Variants in NRXN1 observed in about 807,000 individuals in gnomAD.
NRXN1 encodes the protein neurexin 1.
A neutral mutation model predicts 150.9 loss-of-function variants in NRXN1; 39 were observed. The observed-to-expected ratio is 0.26, with a 90% CI of 0.20 to 0.34. NRXN1 has a LOEUF of 0.34. Ranked by LOEUF, NRXN1 falls within the 10% of genes least tolerant of loss-of-function variation. The probability of loss-of-function intolerance (pLI) is 1.00; values close to 1 mark genes in which losing one functional copy is unlikely to be tolerated. For synonymous variants in NRXN1, 924 were observed against 757.0 expected (o/e 1.22, Z -3.62); for missense variants, 1,815 against 1,949.9 (o/e 0.93, Z 1.30).
intron 17 of NRXN1, among the ~76,000 whole-genome samples, chr2:50,257,204 C>T (rs2067785964): frequency 6.6e-6 from 1 of 151,954 alleles, no homozygotes; most frequent in Admixed American, 6.6e-5. Flanking sequence ...TCTGTCAAAA[C>T]CTTCCACAGG....
chr2:50,290,372 G>C (rs2072762849), intron 17 of NRXN1, among the ~76,000 whole-genome samples: 2 of 152,122 alleles, frequency 1.3e-5, no homozygotes. Flanking sequence ...TATATAATAA[G>C]GGAGGAAGAA....
At chr2:50,725,294 T>C (rs1194708595) in intron 5 of NRXN1, among the ~76,000 whole-genome samples, 1 of 151,656 alleles carries the variant, frequency 6.6e-6, no homozygotes, top group Admixed American at 6.6e-5. Flanking sequence ...AAGAAAAATA[T>C]GTTTGGGCTC....
chr2:50,976,160 TAA>T (rs1266701474), intron 2 of NRXN1, among the ~76,000 whole-genome samples: 1 of 151,720 alleles, frequency 6.6e-6, no homozygotes, highest in Non-Finnish European at 1.5e-5. Flanking sequence ...GACACTCTAT[TAA>T]TTTACTTTGC....
At chr2:50,555,732 C>T (rs1292708206) in intron 8 of NRXN1, among the ~76,000 whole-genome samples, 2 of 152,128 alleles carry the variant, frequency 1.3e-5, no homozygotes, top group Non-Finnish European at 2.9e-5. Flanking sequence ...AATTAAAATA[C>T]AGCAGAATAT....
intron 2 of NRXN1, among the ~76,000 whole-genome samples, chr2:51,023,576 T>C (rs1261621051): frequency 1.3e-5 from 2 of 152,244 alleles, no homozygotes; most frequent in East Asian, 3.8e-4. Context: ...TAAGTTTTCA[T>C]AGTATCATGC....
intron 18 of NRXN1, among the ~76,000 whole-genome samples, chr2:50,110,485 C>G (rs1480013677): frequency 1.0e-5 from 1 of 96,170 alleles, no homozygotes; most frequent in Non-Finnish European, 1.9e-5. Flanking sequence ...GAGTGAGACT[C>G]TGTCTCAAAA....
At chr2:50,700,204 T>C (rs991469100) in intron 5 of NRXN1, among the ~76,000 whole-genome samples, 47 of 152,214 alleles carry the variant, frequency 3.1e-4, no homozygotes, top group African/African-American at 9.9e-4. Flanking sequence ...TCTAAAGTCA[T>C]CTAAACTGTT....
chr2:50,922,052 G>C (rs1686126286), intron 4 of NRXN1, among the ~76,000 whole-genome samples, 172 bp from the exon 5 acceptor site: 1 of 151,884 alleles, frequency 6.6e-6, no homozygotes, highest in South Asian at 2.1e-4. Context: ...GATGCAATCA[G>C]GACATGTTGG....
At chr2:50,121,266 C>A (rs952149116) in intron 18 of NRXN1, among the ~76,000 whole-genome samples, 1 of 152,222 alleles carries the variant, frequency 6.6e-6, no homozygotes, top group African/African-American at 2.4e-5. Context: ...TAAGATCCGC[C>A]TGCCTCAGCC....
chr2:50,832,029 C>A (rs896615882), intron 5 of NRXN1, among the ~76,000 whole-genome samples: 28 of 152,222 alleles, frequency 1.8e-4, no homozygotes, highest in African/African-American at 6.5e-4. Context: ...TTCTAGGCAA[C>A]AGTCAACTGT....
chr2:50,886,203 G>C (rs987150833), intron 5 of NRXN1, among the ~76,000 whole-genome samples: 5 of 151,034 alleles, frequency 3.3e-5, no homozygotes, highest in Non-Finnish European at 7.4e-5. Flanking sequence ...TAACTGGCTA[G>C]ATAACATGTA....
At chr2:50,761,469 C>G (rs557924451) in intron 5 of NRXN1, among the ~76,000 whole-genome samples, 1 of 152,034 alleles carries the variant, frequency 6.6e-6, no homozygotes, top group East Asian at 2.0e-4. Flanking sequence ...TGCGCCTTTG[C>G]TCCTCCTTTG....
intron 8 of NRXN1, among the ~76,000 whole-genome samples, chr2:50,596,460 C>T (rs1675220362): frequency 1.3e-5 from 2 of 152,198 alleles, no homozygotes; most frequent in South Asian, 2.1e-4. Flanking sequence ...TCCTACTCCC[C>T]TTTCACAGAT....
In NRXN1 at chr2:50,538,407, T is replaced by C; in HGVS notation, c.1989A>G (p.Gln663=). The stretch of plus-strand genomic sequence containing the variant: ...AGGAAGGCTTCACTCCAGCAGTACT[T>C]TGAACTTCAGCCATTTGCCGGATAT... ...SKDIRQMAEV[Q]STAGVKPSCS... Residue 663 remains glutamine, a synonymous_variant, in exon 10 of 23, where the codon CAA becomes CAG. Transcript: ENST00000401669. 6.2e-7 allele frequency: 1 copy of C among 1,614,002 alleles called. No individual in the cohort carries two copies. The highest frequency in any genetic ancestry group is 8.5e-7 in the Non-Finnish European group (1 of 1,179,874).
chr2:50,976,010 T>C (rs1558520170), intron 2 of NRXN1, among the ~76,000 whole-genome samples: 1 of 152,054 alleles, frequency 6.6e-6, no homozygotes, highest in East Asian at 1.9e-4. Flanking sequence ...TTTTATATTT[T>C]GTCCCAGTGT....
intron 5 of NRXN1, among the ~76,000 whole-genome samples, chr2:50,841,869 A>G (rs996554891): frequency 6.6e-6 from 1 of 152,166 alleles, no homozygotes; most frequent in Non-Finnish European, 1.5e-5. Flanking sequence ...CTGATATTGA[A>G]CTTACTGAAT....
rs62142333 is a variant in NRXN1 at position 50,651,517 on chromosome 2, G to A, written c.833-27902C>T. ...GACATGACATGACATGACATAACATGACATAACATAACATAACATAAAATA... is the reference window on the plus strand; with the variant it reads ...GACATGACATGACATGACATAACATAACATAACATAACATAACATAAAATA... On this transcript the variant is annotated intron_variant, in intron 5 of 22. Coordinates refer to ENST00000401669, the MANE Select transcript of NRXN1 (RefSeq NM_001330078.2). Among the ~76,000 whole-genome samples, 1,017 of 134,520 alleles carry A rather than the reference G, an allele frequency of 7.6e-3. 10 individuals are homozygous for A. Among genetic ancestry groups the A allele is most frequent in the Middle Eastern group, 0.033 (8 of 244 alleles). 88.3% of individuals were successfully genotyped at this position (134,520 alleles called of 152,430 possible). A position where few individuals can be genotyped will look rare whatever the true frequency, so the allele number is the denominator to read the frequency against.
chr2:50,200,458 G>A (rs1418112108), intron 18 of NRXN1, among the ~76,000 whole-genome samples: 3 of 152,084 alleles, frequency 2.0e-5, no homozygotes, highest in African/African-American at 7.2e-5. Context: ...AAACATAATT[G>A]TGAGTTGGAA....
At chr2:50,665,365 A>C (rs544941882) in intron 5 of NRXN1, among the ~76,000 whole-genome samples, 7 of 152,090 alleles carry the variant, frequency 4.6e-5, no homozygotes, top group African/African-American at 1.7e-4. Flanking sequence ...TAAACAGATA[A>C]ATGCCAACCA....
Sources: gnomAD v4.1 joint callset for allele counts (sites outside exome capture counted in the v4.1 genomes callset) on GRCh38, gnomAD v4.1.1 for gene constraint, MANE v1.5 for transcripts, NCBI Gene and HGNC (gene_info 2026-07-23, HGNC 2026-07-21) for gene names.